The following VTI1A variants were observed in gnomAD, a reference collection of about 807,000 sequenced individuals.
The protein encoded by VTI1A is vesicle transport through interaction with t-SNAREs homolog 1A.
VTI1A carries 22 observed loss-of-function variants against 34.9 expected under a neutral mutation model. The observed-to-expected ratio is 0.63, with a 90% CI of 0.45 to 0.90. VTI1A has a LOEUF of 0.90. Ranked by LOEUF, VTI1A falls within the 40% of genes least tolerant of loss-of-function variation. The pLI is 0.00. For missense variants in VTI1A, 268 were observed against 275.6 expected (o/e 0.97, Z 0.20); for synonymous variants, 87 against 97.3 (o/e 0.89, Z 0.62).
At chr10:112,797,311 G>A (rs1205438932) in intron 7 of VTI1A, among the ~76,000 whole-genome samples, 4 of 152,180 alleles carry the variant, frequency 2.6e-5, no homozygotes, top group Non-Finnish European at 4.4e-5. Context: ...GCTTTAGATT[G>A]TTCGAGGAAG....
intron 7 of VTI1A, among the ~76,000 whole-genome samples, chr10:112,754,362 GCTGT>G (rs1343074211): frequency 6.6e-6 from 1 of 152,026 alleles, no homozygotes; most frequent in African/African-American, 2.4e-5. Flanking sequence ...TGCCCAGCCT[GCTGT>G]CTGTCAACTG....
intron 7 of VTI1A, among the ~76,000 whole-genome samples, chr10:112,743,601 G>C (rs935201030): frequency 2.0e-5 from 3 of 152,088 alleles, no homozygotes; most frequent in East Asian, 1.9e-4. Context: ...AGCCAGGGGG[G>C]AGATATTTCA....
intron 7 of VTI1A, among the ~76,000 whole-genome samples, chr10:112,697,262 C>T (rs894185519): frequency 2.6e-5 from 4 of 151,078 alleles, no homozygotes; most frequent in East Asian, 1.9e-4. Context: ...GGCGCTGTCT[C>T]GGCACTCTGC....
At chr10:112,529,585 C>T (rs1850355298) in intron 4 of VTI1A, among the ~76,000 whole-genome samples, 1 of 152,000 alleles carries the variant, frequency 6.6e-6, no homozygotes, top group Admixed American at 6.6e-5. Flanking sequence ...CTTCTGCCTA[C>T]AAATAAGTTT....
At chr10:112,742,730 T>C (rs1325639768) in intron 7 of VTI1A, among the ~76,000 whole-genome samples, 1 of 152,214 alleles carries the variant, frequency 6.6e-6, no homozygotes, top group African/African-American at 2.4e-5. Flanking sequence ...TATGATCATT[T>C]TCACAAGAAG....
chr10:112,563,049 G>A (rs571532684), intron 5 of VTI1A, among the ~76,000 whole-genome samples: 113 of 152,202 alleles, frequency 7.4e-4, no homozygotes, highest in African/African-American at 8.4e-4. Flanking sequence ...GGGACCAGCC[G>A]TACTAGCACA....
intron 7 of VTI1A, among the ~76,000 whole-genome samples, chr10:112,758,692 G>A (rs1851364573): frequency 6.6e-6 from 1 of 152,316 alleles, no homozygotes; most frequent in Non-Finnish European, 1.5e-5. Flanking sequence ...TGCTTACTGA[G>A]TCTGTTTCCT....
intron 7 of VTI1A, chr10:112,752,710 A>G (rs1851143284): frequency 3.0e-6 from 1 of 335,288 alleles, no homozygotes; most frequent in Admixed American, 6.5e-5. Context: ...TGTTTTCTGT[A>G]TTGAACTATC....
intron 7 of VTI1A, among the ~76,000 whole-genome samples, chr10:112,726,862 G>A (rs7088796): frequency 0.17 from 26,332 of 151,988 alleles, 4,533 homozygotes; most frequent in African/African-American, 0.43. Flanking sequence ...GATACCGGGG[G>A]GTCAGTTTCA....
At chr10:112,614,332 G>T (rs769720857) in intron 5 of VTI1A, among the ~76,000 whole-genome samples, 1 of 152,154 alleles carries the variant, frequency 6.6e-6, no homozygotes, top group Non-Finnish European at 1.5e-5. Context: ...CTAAGGTGGC[G>T]CTTTTATTTT....
chr10:112,835,238 C>T, the VTI1A span, among the ~76,000 whole-genome samples: 4 of 152,116 alleles, frequency 2.6e-5, no homozygotes, highest in Non-Finnish European at 4.4e-5. Flanking sequence ...CCCAGAATGT[C>T]GCTTCTCCTC....
intron 7 of VTI1A, among the ~76,000 whole-genome samples, chr10:112,765,058 C>G (rs898235400): frequency 6.6e-6 from 1 of 152,176 alleles, no homozygotes; most frequent in African/African-American, 2.4e-5. Context: ...TTATAATTCC[C>G]TTTCATCTTT....
chr10:112,643,974 T>C (rs1322602199), intron 5 of VTI1A, among the ~76,000 whole-genome samples: 2 of 145,904 alleles, frequency 1.4e-5, no homozygotes, highest in Non-Finnish European at 3.0e-5. Flanking sequence ...GGCAGCATAA[T>C]GAATAGGAGG....
intron 5 of VTI1A, among the ~76,000 whole-genome samples, chr10:112,636,333 C>T (rs1356907720): frequency 6.6e-6 from 1 of 152,150 alleles, no homozygotes; most frequent in East Asian, 1.9e-4. Flanking sequence ...ATTAATATTA[C>T]TTGTTATTTT....
chr10:112,744,148 T>C (rs2133980951), intron 7 of VTI1A, among the ~76,000 whole-genome samples: 1 of 152,324 alleles, frequency 6.6e-6, no homozygotes, highest in Non-Finnish European at 1.5e-5. Context: ...GTCAGCCTCA[T>C]AGCAGGGAGA....
At chr10:112,679,924 A>G (rs1848158843) in intron 7 of VTI1A, among the ~76,000 whole-genome samples, 1 of 152,112 alleles carries the variant, frequency 6.6e-6, no homozygotes, top group African/African-American at 2.4e-5. Flanking sequence ...GAATCTCTGA[A>G]GTTTTCTAAA....
At chr10:112,659,056 C>G (rs537262019) in intron 5 of VTI1A, among the ~76,000 whole-genome samples, 1 of 152,334 alleles carries the variant, frequency 6.6e-6, no homozygotes, top group South Asian at 2.1e-4. Flanking sequence ...TAACTCGGCT[C>G]AGAATGATTT....
intron 5 of VTI1A, among the ~76,000 whole-genome samples, chr10:112,584,697 A>G (rs955544142): frequency 6.6e-6 from 1 of 152,236 alleles, no homozygotes; most frequent in African/African-American, 2.4e-5. Flanking sequence ...TAGACTCTTG[A>G]TAAGCATTTC....
intron 5 of VTI1A, among the ~76,000 whole-genome samples, chr10:112,623,911 GGT>G (rs1357462100): frequency 3.9e-5 from 6 of 152,296 alleles, no homozygotes; most frequent in African/African-American, 1.4e-4. Context: ...GAACTGCACT[GGT>G]CAGAAGCAGC....
Sources: gnomAD v4.1 joint callset for allele counts (sites outside exome capture counted in the v4.1 genomes callset) on GRCh38, gnomAD v4.1.1 for gene constraint, MANE v1.5 for transcripts, NCBI Gene and HGNC (gene_info 2026-07-23, HGNC 2026-07-21) for gene names.